The following OSBP2 variants were observed in gnomAD, a reference collection of about 807,000 sequenced individuals.
OSBP2 encodes oxysterol binding protein 2.
OSBP2 carries 66 observed loss-of-function variants against 96.0 expected under a neutral mutation model. That is an observed-to-expected ratio of 0.69 (90% CI 0.56 to 0.84). The LOEUF is 0.84. Ranked by LOEUF, OSBP2 falls within the 40% of genes least tolerant of loss-of-function variation. OSBP2 has a pLI of 0.00. For missense variants in OSBP2, 1,038 were observed against 1,222.7 expected (o/e 0.85, Z 2.25); for synonymous variants, 525 against 520.9 (o/e 1.01, Z -0.11).
chr22:30,822,746 A>T, intron 2 of OSBP2: 1 of 1,485,532 alleles, frequency 6.7e-7, no homozygotes, highest in Non-Finnish European at 9.0e-7. Flanking sequence ...GAGGGAGGCC[A>T]GGCTCCCCGC....
chr22:30,747,446 A>G (rs1396374227), intron 2 of OSBP2, among the ~76,000 whole-genome samples: 1 of 152,096 alleles, frequency 6.6e-6, no homozygotes, highest in Non-Finnish European at 1.5e-5. Flanking sequence ...ATGCCACTGT[A>G]CTCCAGCCTG....
intron 1 of OSBP2, among the ~76,000 whole-genome samples, chr22:30,740,035 G>A (rs1055076896): frequency 1.3e-5 from 2 of 152,042 alleles, no homozygotes; most frequent in South Asian, 4.1e-4. Flanking sequence ...TAGTAGAGAC[G>A]GGATTTCACC....
rs780996953 is a variant in OSBP2 at position 30,889,494 on chromosome 22, T to C, written c.1481T>C (p.Leu494Pro). 1 of 1,614,062 alleles carries C rather than the reference T, an allele frequency of 6.2e-7. No homozygotes were observed. The highest frequency in any genetic ancestry group is 8.5e-7 in the Non-Finnish European group (1 of 1,180,004). The change falls in exon 7 of 14, where the codon CTA becomes CCA. Residue 494 changes from leucine to proline, a missense_variant. Leu to Pro is a moderately conservative substitution (Grantham distance 98, BLOSUM62 -3). Transcript: ENST00000332585. ...SVDWSSADNV[L>P]DGASLVPKGS... ...GGGTCCCCACTTATGTGGCAGGTAC[T>C]AGATGGTGCCTCGCTCGTGCCCAAG...
rs773941714 is a variant in OSBP2 at position 30,887,627 on chromosome 22, G to A, written c.1300+9G>A. The A allele has an allele frequency of 3.2e-6, 5 of 1,574,912 alleles. No individual in the cohort carries two copies. Among genetic ancestry groups the A allele is most frequent in the Non-Finnish European group, 4.3e-6 (5 of 1,161,900 alleles). On this transcript the variant is annotated intron_variant, in intron 4 of 13. Coordinates refer to ENST00000332585, the MANE Select transcript of OSBP2 (RefSeq NM_030758.4). The stretch of plus-strand genomic sequence containing the variant: ...CAAGAGCTTCATTGAGGGTGAGTGG[G>A]CAGCCAGGGCAGGGCTGTCCCATGA...
At chr22:30,849,926 AT>A (rs1169415671) in intron 2 of OSBP2, among the ~76,000 whole-genome samples, 1 of 152,150 alleles carries the variant, frequency 6.6e-6, no homozygotes, top group Non-Finnish European at 1.5e-5. Context: ...ACTTTTTGCC[AT>A]ATGTATATTT....
intron 1 of OSBP2, among the ~76,000 whole-genome samples, chr22:30,729,805 A>G (rs1402191353): frequency 6.6e-6 from 1 of 152,008 alleles, no homozygotes; most frequent in Non-Finnish European, 1.5e-5. Context: ...GGAGTTTGAG[A>G]CCAGCCTGGC....
At chr22:30,781,369 C>A (rs932704148) in intron 2 of OSBP2, among the ~76,000 whole-genome samples, 1 of 152,066 alleles carries the variant, frequency 6.6e-6, no homozygotes, top group Admixed American at 6.6e-5. Flanking sequence ...CCTGCTCCCC[C>A]CACCTTCCTC....
intron 2 of OSBP2, among the ~76,000 whole-genome samples, chr22:30,771,791 C>G (rs1341859692): frequency 6.6e-6 from 1 of 152,184 alleles, no homozygotes; most frequent in Non-Finnish European, 1.5e-5. Flanking sequence ...TGAGGCTGAG[C>G]TTGAAGGTGG....
chr22:30,870,805 T>A lies in OSBP2; in HGVS notation c.1107+123T>A. ...CCATTTCCTGCGGTTCCACGGTGTTTCCCAAAGCCAGCGCCCCCCAGCTAG... is the reference window on the plus strand; with the variant it reads ...CCATTTCCTGCGGTTCCACGGTGTTACCCAAAGCCAGCGCCCCCCAGCTAG... On this transcript the variant is annotated intron_variant, in intron 3 of 13. Coordinates refer to ENST00000332585, the MANE Select transcript of OSBP2 (RefSeq NM_030758.4). This position sits in a 1 kb window ranked among gnomAD's most constrained non-coding sequence, Gnocchi z 4.1. The A allele has an allele frequency of 9.4e-7, 1 of 1,068,736 alleles. No individual in the cohort carries two copies. The highest frequency in any genetic ancestry group is 2.5e-5 in the Admixed American group (1 of 40,780). The allele number at this position is 1,068,736 out of a possible 1,614,324, so 66.2% of individuals were successfully genotyped here. A position where few individuals can be genotyped will look rare whatever the true frequency, so the allele number is the denominator to read the frequency against.
At chr22:30,858,424 G>A (rs1183545575) in intron 2 of OSBP2, among the ~76,000 whole-genome samples, 1 of 151,700 alleles carries the variant, frequency 6.6e-6, no homozygotes, top group Admixed American at 6.6e-5. Flanking sequence ...GGGATTACAG[G>A]TGTGAGCCAC....
In OSBP2 at chr22:30,708,050, G is replaced by A. The variant is rs1010738283; in HGVS notation, c.644+12497G>A. Among the ~76,000 whole-genome samples, 9 of 152,002 alleles carry A rather than the reference G, an allele frequency of 5.9e-5. No homozygotes were observed. The South Asian group carries it at 1.9e-3, about 32-fold the overall frequency. On this transcript the variant is annotated intron_variant, in intron 1 of 13. Coordinates refer to ENST00000332585, the MANE Select transcript of OSBP2 (RefSeq NM_030758.4). ...TTACGGGCATCTGCCACCATGCCTGGCTAATTTTTGCATTTTTAGTAGAGA... is the reference window on the plus strand; with the variant it reads ...TTACGGGCATCTGCCACCATGCCTGACTAATTTTTGCATTTTTAGTAGAGA...
intron 2 of OSBP2, among the ~76,000 whole-genome samples, chr22:30,787,006 G>A (rs1309305776): frequency 6.6e-6 from 1 of 152,028 alleles, no homozygotes; most frequent in Non-Finnish European, 1.5e-5. Flanking sequence ...CACTGTGTTA[G>A]CCAGGATGGT....
chr22:30,742,409 C>CAA (rs765469159), intron 2 of OSBP2, among the ~76,000 whole-genome samples: 2 of 130,866 alleles, frequency 1.5e-5, no homozygotes, highest in East Asian at 2.2e-4. Flanking sequence ...GACTCTGTCT[C>CAA]AAAAAAAAAA....
intron 2 of OSBP2, among the ~76,000 whole-genome samples, chr22:30,759,021 G>A (rs1193338809): frequency 1.3e-5 from 2 of 152,108 alleles, no homozygotes; most frequent in African/African-American, 2.4e-5. Context: ...GAATACCCAC[G>A]TCCCTGTGGC....
chr22:30,730,712 C>CT, intron 1 of OSBP2, among the ~76,000 whole-genome samples: 1 of 117,062 alleles, frequency 8.5e-6, no homozygotes, highest in African/African-American at 3.2e-5. Flanking sequence ...AGATTCGCTG[C>CT]CCTGTCTCTC....
intron 2 of OSBP2, among the ~76,000 whole-genome samples, chr22:30,826,882 T>G (rs2038416321): frequency 6.6e-6 from 1 of 151,918 alleles, no homozygotes. Flanking sequence ...CAGGCTGGAG[T>G]CTTTCCTGCC....
intron 2 of OSBP2, among the ~76,000 whole-genome samples, chr22:30,853,903 G>A (rs1389519625): frequency 1.3e-5 from 2 of 152,044 alleles, no homozygotes; most frequent in Non-Finnish European, 1.5e-5. Context: ...GGGATTACAG[G>A]CGCCCGCCAC....
At position 30,906,336 on chromosome 22, in the gene OSBP2, C is replaced by T; in HGVS notation, c.2748C>T (p.Phe916=). 6.2e-7 allele frequency: 1 copy of T among 1,603,774 alleles called. No individual in the cohort carries two copies. Among genetic ancestry groups the T allele is most frequent in the Non-Finnish European group, 8.5e-7 (1 of 1,173,886 alleles). ...ACTGGCATATGTGCCCCAACATCTTCTGAGCGCCACCCTTGCAACAAATAC... is the reference window on the plus strand; with the variant it reads ...ACTGGCATATGTGCCCCAACATCTTTTGAGCGCCACCCTTGCAACAAATAC... ...KQDWHMCPNI[F] Residue 916 remains phenylalanine (F), a synonymous_variant, in exon 14 of 14, where the codon TTC becomes TTT. Coordinates refer to ENST00000332585, the MANE Select transcript of OSBP2 (RefSeq NM_030758.4).
upstream of OSBP2, chr22:30,694,866 C>T (rs760714686): frequency 1.9e-4 from 182 of 964,976 alleles, no homozygotes; most frequent in Non-Finnish European, 2.3e-4. Context: ...GGCCTGCCCC[C>T]CGCCCCCACT....
Sources: allele counts gnomAD v4.1 joint callset (sites outside exome capture counted in the v4.1 genomes callset), GRCh38; gene constraint gnomAD v4.1.1; non-coding constraint Gnocchi (gnomAD v3.1); transcripts MANE v1.5; gene names NCBI Gene and HGNC (gene_info 2026-07-23, HGNC 2026-07-21).